The following ARHGAP15 variants were observed in gnomAD, a reference collection of about 807,000 sequenced individuals.
The protein encoded by ARHGAP15 is rho GTPase-activating protein 15.
A neutral mutation model predicts 63.7 loss-of-function variants in ARHGAP15; 51 were observed. That is an observed-to-expected ratio of 0.80 (90% CI 0.64 to 1.01). The LOEUF is 1.01. ARHGAP15 is among the 50% of genes least tolerant of loss of function. The probability of loss-of-function intolerance (pLI) is 0.00; values close to 1 mark genes in which losing one functional copy is unlikely to be tolerated. For missense variants in ARHGAP15, 560 were observed against 564.6 expected (o/e 0.99, Z 0.08); for synonymous variants, 191 against 193.8 (o/e 0.99, Z 0.12).
intron 11 of ARHGAP15, among the ~76,000 whole-genome samples, chr2:143,622,747 T>C (rs1698685922): frequency 7.2e-6 from 1 of 139,082 alleles, no homozygotes; most frequent in Non-Finnish European, 1.5e-5. Flanking sequence ...GAACACCACT[T>C]ACTATAAGCC....
chr2:143,489,120 C>T (rs55984966), intron 9 of ARHGAP15, among the ~76,000 whole-genome samples: 11,840 of 152,190 alleles, frequency 0.078, 506 homozygotes, highest in African/African-American at 0.11. Context: ...ACATAATGTC[C>T]GAGTTTTTCA....
intron 6 of ARHGAP15, among the ~76,000 whole-genome samples, chr2:143,254,747 A>T (rs890176080): frequency 6.6e-6 from 1 of 152,116 alleles, no homozygotes; most frequent in African/African-American, 2.4e-5. Flanking sequence ...CATAGAAACT[A>T]TATCCCATAC....
chr2:143,260,074 G>A (rs925420836), intron 6 of ARHGAP15, among the ~76,000 whole-genome samples: 7 of 151,956 alleles, frequency 4.6e-5, no homozygotes, highest in African/African-American at 4.8e-5. Context: ...AATGTACAGA[G>A]GTTCATAAAT....
intron 3 of ARHGAP15, among the ~76,000 whole-genome samples, chr2:143,209,557 T>TAAAAAAAA (rs3070816): frequency 6.7e-6 from 1 of 148,372 alleles, no homozygotes. Flanking sequence ...TGTGCTATGA[T>TAAAAAAAA]AAAAAAAAAA....
At chr2:143,203,247 C>T (rs1013943382) in intron 3 of ARHGAP15, among the ~76,000 whole-genome samples, 1 of 152,134 alleles carries the variant, frequency 6.6e-6, no homozygotes, top group Admixed American at 6.6e-5. Context: ...ATCCCACATC[C>T]CCACTCCAGC....
chr2:143,165,521 A>G (rs951282779), intron 2 of ARHGAP15, among the ~76,000 whole-genome samples: 1 of 152,092 alleles, frequency 6.6e-6, no homozygotes. Flanking sequence ...TCTAATGTAA[A>G]CGCCAACATC....
chr2:143,561,619 G>A (rs1696029564), intron 11 of ARHGAP15, among the ~76,000 whole-genome samples: 1 of 151,094 alleles, frequency 6.6e-6, no homozygotes, highest in South Asian at 2.1e-4. Context: ...GGGTTCAAGC[G>A]ATTTTCCTGC....
intron 13 of ARHGAP15, among the ~76,000 whole-genome samples, chr2:143,718,742 C>T (rs1200084196): frequency 6.6e-6 from 1 of 152,210 alleles, no homozygotes; most frequent in Non-Finnish European, 1.5e-5. Context: ...ACTCACTTCA[C>T]ATTCAAAACA....
At chr2:143,515,418 G>A (rs1369496278) in intron 9 of ARHGAP15, among the ~76,000 whole-genome samples, 1 of 152,120 alleles carries the variant, frequency 6.6e-6, no homozygotes, top group African/African-American at 2.4e-5. Context: ...TGTCATCAGG[G>A]TCTCAAGTTT....
At chr2:143,687,956 GCTT>G (rs932992044) in intron 12 of ARHGAP15, among the ~76,000 whole-genome samples, 26 of 151,972 alleles carry the variant, frequency 1.7e-4, no homozygotes, top group East Asian at 3.9e-4. Flanking sequence ...TTTTTAAATT[GCTT>G]CTTTTTACAG....
At chr2:143,333,244 G>A (rs1197464969) in intron 6 of ARHGAP15, among the ~76,000 whole-genome samples, 1 of 152,086 alleles carries the variant, frequency 6.6e-6, no homozygotes, top group Non-Finnish European at 1.5e-5. Context: ...TTTCTGAAAG[G>A]CTTTAATGAA....
chr2:143,498,742 T>C (rs982771715), intron 9 of ARHGAP15, among the ~76,000 whole-genome samples: 2 of 152,134 alleles, frequency 1.3e-5, no homozygotes, highest in African/African-American at 4.8e-5. Flanking sequence ...GAATACTCCT[T>C]CTTCATTGTC....
chr2:143,192,729 C>T (rs1317460503), intron 2 of ARHGAP15, among the ~76,000 whole-genome samples: 1 of 152,186 alleles, frequency 6.6e-6, no homozygotes, highest in African/African-American at 2.4e-5. Context: ...TAGCTTGTAC[C>T]CTTGCCCTCA....
At chr2:143,141,490 C>T (rs1458558752) in intron 1 of ARHGAP15, among the ~76,000 whole-genome samples, 1 of 151,886 alleles carries the variant, frequency 6.6e-6, no homozygotes, top group African/African-American at 2.4e-5. Flanking sequence ...AGAACAGAAA[C>T]CAATATAAGG....
chr2:143,200,722 GCTT>G (rs1462714483), intron 2 of ARHGAP15, among the ~76,000 whole-genome samples: 2 of 151,738 alleles, frequency 1.3e-5, no homozygotes, highest in African/African-American at 2.4e-5. Flanking sequence ...TGTCTATTAT[GCTT>G]CTTCAGGAAA....
intron 11 of ARHGAP15, among the ~76,000 whole-genome samples, chr2:143,568,693 A>G (rs949278602): frequency 2.0e-5 from 3 of 152,220 alleles, no homozygotes; most frequent in African/African-American, 7.2e-5. Context: ...AAATCATGTT[A>G]CTATAAAGAC....
chr2:143,385,993 C>T (rs1429675473), intron 6 of ARHGAP15, among the ~76,000 whole-genome samples: 2 of 151,990 alleles, frequency 1.3e-5, no homozygotes, highest in East Asian at 1.9e-4. Context: ...TCCTCTCTGT[C>T]GTTTCTTAGG....
chr2:143,589,691 A>G (rs1459330312), intron 11 of ARHGAP15, among the ~76,000 whole-genome samples: 4 of 152,170 alleles, frequency 2.6e-5, no homozygotes, highest in East Asian at 1.9e-4. Flanking sequence ...ACAAACATCA[A>G]TCAAATGGCT....
At chr2:143,437,227 A>T in intron 8 of ARHGAP15, 185 bp downstream of exon 8, 1 of 583,092 alleles carries the variant, frequency 1.7e-6, no homozygotes, top group South Asian at 2.3e-5. Context: ...CATTGTTGGT[A>T]ATGCCTTTTG....
Sources: allele counts gnomAD v4.1 joint callset (sites outside exome capture counted in the v4.1 genomes callset), GRCh38; gene constraint gnomAD v4.1.1; transcripts MANE v1.5; gene names NCBI Gene and HGNC (gene_info 2026-07-23, HGNC 2026-07-21).